The following KLRC1 variants were observed in gnomAD, a reference collection of about 807,000 sequenced individuals.
KLRC1 encodes the protein killer cell lectin like receptor C1.
KLRC1 carries 22 observed loss-of-function variants against 25.9 expected under a neutral mutation model. That is an observed-to-expected ratio of 0.85 (90% CI 0.61 to 1.21). The LOEUF (loss-of-function observed/expected upper bound fraction) is 1.21, where lower values mean the gene tolerates loss of function less well. Among genes scored for constraint, KLRC1 ranks in the 50% most tolerant of loss-of-function variants. KLRC1 has a pLI of 0.00. For missense variants in KLRC1, 240 were observed against 272.2 expected (o/e 0.88, Z 0.83); for synonymous variants, 77 against 93.1 (o/e 0.83, Z 0.99).
upstream of KLRC1, among the ~76,000 whole-genome samples, chr12:10,453,750 GA>G (rs1864166083): frequency 6.6e-6 from 1 of 151,932 alleles, no homozygotes; most frequent in Admixed American, 6.6e-5. Context: ...GATATCTACT[GA>G]TTTTTTCCTT....
intron 6 of KLRC1, among the ~76,000 whole-genome samples, 153 bp from the exon 7 acceptor site, chr12:10,446,815 A>G (rs1863995155): frequency 1.3e-5 from 2 of 152,214 alleles, no homozygotes; most frequent in African/African-American, 4.8e-5. Context: ...TGAACACTCA[A>G]CAGAGTAGTC....
intron 5 of KLRC1, among the ~76,000 whole-genome samples, chr12:10,448,358 C>T (rs145371525): frequency 1.4e-3 from 210 of 152,212 alleles, no homozygotes; most frequent in African/African-American, 4.8e-3. Context: ...TAGGAGGAGG[C>T]CCAGCAAAGC....
In KLRC1 at chr12:10,449,394, T is replaced by A. The variant is rs1355887518; in HGVS notation, c.338-6A>T. 1 of 1,611,570 alleles carries A rather than the reference T, an allele frequency of 6.2e-7. No homozygotes were observed. ...ACAATGGCCACAATGACGTGCTAAA[T>A]AAAGATATGAATTACTATCTAGACC... On this transcript the variant is annotated splice_polypyrimidine_tract_variant and splice_region_variant and intron_variant, in intron 4 of 6. Transcript: ENST00000359151.
At chr12:10,445,518 G>A (rs1863967178), downstream of KLRC1, among the ~76,000 whole-genome samples, 1 of 152,038 alleles carries the variant, frequency 6.6e-6, no homozygotes, top group Non-Finnish European at 1.5e-5. Context: ...CGATACATAT[G>A]ATACACACAG....
upstream of KLRC1, among the ~76,000 whole-genome samples, chr12:10,454,064 A>C (rs1413796437): frequency 6.6e-6 from 1 of 152,240 alleles, no homozygotes; most frequent in Non-Finnish European, 1.5e-5. Flanking sequence ...AGAAATATTT[A>C]GTTGTAAATG....
downstream of KLRC1, among the ~76,000 whole-genome samples, chr12:10,445,211 C>A (rs1234776804): frequency 1.3e-5 from 2 of 152,044 alleles, no homozygotes; most frequent in South Asian, 2.1e-4. Flanking sequence ...AGCCACCACA[C>A]CCGGCCAGCA....
chr12:10,452,036 T>G (rs1864137341), intron 1 of KLRC1, among the ~76,000 whole-genome samples: 1 of 151,762 alleles, frequency 6.6e-6, no homozygotes, highest in Non-Finnish European at 1.5e-5. Context: ...TAAAAATTAT[T>G]TATTAAAAAT....
In KLRC1 at chr12:10,448,727, A is replaced by T. The variant is rs143024001; in HGVS notation, c.489+510T>A. On this transcript the variant is annotated intron_variant, in intron 5 of 6. Transcript: ENST00000359151. ...AGGAATTGCATAAATATCAGATAGG[A>T]GTGAAAAACACAGACATGAAATTCA... 4.7e-4 allele frequency among the ~76,000 whole-genome samples: 71 copies of T among 152,366 alleles called. No individual in the cohort carries two copies. In the East Asian group the frequency reaches 0.012, roughly 26 times the overall value.
downstream of KLRC1, among the ~76,000 whole-genome samples, chr12:10,443,032 T>C (rs1863931227): frequency 8.4e-6 from 1 of 118,636 alleles, no homozygotes; most frequent in Non-Finnish European, 1.8e-5. Flanking sequence ...GTGAAAATGG[T>C]TAATTAATGG....
At chr12:10,447,136 C>T (rs35337127) in intron 6 of KLRC1, 4 of 209,114 alleles carry the variant, frequency 1.9e-5, no homozygotes, top group South Asian at 1.7e-4. Flanking sequence ...TCGCTGCCCA[C>T]GGGCCGCATG....
chr12:10,446,479 C>A lies in KLRC1; in HGVS notation c.*72G>T. On this transcript the variant is annotated 3_prime_UTR_variant, in exon 7 of 7. Coordinates refer to ENST00000359151, the MANE Select transcript of KLRC1 (RefSeq NM_002259.5). ...AACATAATTCATTTTAAGATTTATG[C>A]AATCATAATATATTTCTATTTTAAG... 6.7e-7 allele frequency: 1 copy of A among 1,485,182 alleles called. No homozygotes were observed. The allele number at this position is 1,485,182 out of a possible 1,614,324, so 92.0% of individuals were successfully genotyped here.
intron 3 of KLRC1, 30 bp from the exon 4 acceptor site, chr12:10,449,997 A>C (rs777103550): frequency 1.4e-6 from 2 of 1,391,694 alleles, no homozygotes; most frequent in South Asian, 1.6e-5. Flanking sequence ...CTTTGTAAAA[A>C]AATTAGCATC....
At chr12:10,449,817 A>C in intron 4 of KLRC1, 97 bp downstream of exon 4, 1 of 1,039,070 alleles carries the variant, frequency 9.6e-7, no homozygotes, top group Non-Finnish European at 1.3e-6. Flanking sequence ...TTATTGCCAA[A>C]TTTTATAATT....
downstream of KLRC1, among the ~76,000 whole-genome samples, chr12:10,444,111 T>C (rs1296651760): frequency 7.3e-6 from 1 of 137,890 alleles, no homozygotes; most frequent in Non-Finnish European, 1.6e-5. Flanking sequence ...AAAATCTCTC[T>C]TGTAAAAACT....
At chr12:10,452,991 CACAA>C (rs1446890216) in intron 1 of KLRC1, among the ~76,000 whole-genome samples, 1 of 152,126 alleles carries the variant, frequency 6.6e-6, no homozygotes, top group Non-Finnish European at 1.5e-5. Flanking sequence ...ACTAGATTTC[CACAA>C]ACAATAATTT....
At chr12:10,448,984 T>C (rs904483645) in intron 5 of KLRC1, among the ~76,000 whole-genome samples, 1 of 152,170 alleles carries the variant, frequency 6.6e-6, no homozygotes, top group Non-Finnish European at 1.5e-5. Flanking sequence ...TAAAATTAGA[T>C]AGCAAAATGT....
intron 4 of KLRC1, among the ~76,000 whole-genome samples, chr12:10,449,617 C>A (rs1462496706): frequency 6.6e-6 from 1 of 152,120 alleles, no homozygotes; most frequent in African/African-American, 2.4e-5. Context: ...AACCAGCAAA[C>A]AAAAATCCAC....
At chr12:10,445,384 A>G (rs1230742600), downstream of KLRC1, among the ~76,000 whole-genome samples, 1 of 72,540 alleles carries the variant, frequency 1.4e-5, no homozygotes, top group Non-Finnish European at 2.2e-5. Flanking sequence ...TACAATTGAT[A>G]AAATCTATTA....
At position 10,450,379 on chromosome 12, in the gene KLRC1, A is replaced by G. The variant is rs981841774; in HGVS notation, c.283+105T>C. 19 of 670,496 alleles carry G rather than the reference A, an allele frequency of 2.8e-5. No individual in the cohort carries two copies. The African/African-American group carries it at 2.9e-4, about 10-fold the overall frequency. The allele number at this position is 670,496 out of a possible 1,614,324, so 41.5% of individuals were successfully genotyped here. On this transcript the variant is annotated intron_variant, in intron 3 of 6. Coordinates refer to ENST00000359151, the MANE Select transcript of KLRC1 (RefSeq NM_002259.5). ...ATCATTCCACATTTAGTCCAAATAT[A>G]TACATTACAATGAGAACTCTATTCC...
Sources: gnomAD v4.1 joint callset for allele counts (sites outside exome capture counted in the v4.1 genomes callset) on GRCh38, gnomAD v4.1.1 for gene constraint, MANE v1.5 for transcripts, NCBI Gene and HGNC (gene_info 2026-07-23, HGNC 2026-07-21) for gene names.